CFAP107: variants seen among roughly 807,000 people sequenced by gnomAD.
The protein encoded by CFAP107 is cilia- and flagella-associated protein 107.
the CFAP107 span, chr1:12,759,633 T>A: frequency 1.1e-6 from 1 of 892,944 alleles, no homozygotes; most frequent in Non-Finnish European, 1.8e-6. Flanking sequence ...GGCTGAGTTC[T>A]ATTGTACCCT....
chr1:12,756,569 A>C, the CFAP107 span, among the ~76,000 whole-genome samples: 1 of 152,152 alleles, frequency 6.6e-6, no homozygotes, highest in Non-Finnish European at 1.5e-5. Flanking sequence ...CTCTGTCCCC[A>C]CCACACTCTG....
At chr1:12,751,462 A>C in the CFAP107 span, among the ~76,000 whole-genome samples, 1 of 152,136 alleles carries the variant, frequency 6.6e-6, no homozygotes, top group Non-Finnish European at 1.5e-5. Flanking sequence ...TCCCGTCTCT[A>C]CCAAAAATAC....
the CFAP107 span, among the ~76,000 whole-genome samples, chr1:12,749,000 C>A: frequency 1.3e-5 from 2 of 152,042 alleles, no homozygotes; most frequent in East Asian, 3.8e-4. Flanking sequence ...AATTTAAAGG[C>A]AGTGAACAGA....
chr1:12,753,894 ATC>A, the CFAP107 span: 5 of 152,138 alleles, frequency 3.3e-5, no homozygotes, highest in East Asian at 1.9e-4. Context: ...GCAAGAACTT[ATC>A]TCTCTCTTTT....
At chr1:12,760,133 A>C in the CFAP107 span, among the ~76,000 whole-genome samples, 1 of 152,120 alleles carries the variant, frequency 6.6e-6, no homozygotes, top group Non-Finnish European at 1.5e-5. Context: ...AGAGGAAGGA[A>C]CAGTAAATGA....
At chr1:12,756,820 CTTG>C in the CFAP107 span, among the ~76,000 whole-genome samples, 1 of 152,170 alleles carries the variant, frequency 6.6e-6, no homozygotes, top group Admixed American at 6.5e-5. Context: ...AGCTGTGTGG[CTTG>C]TTGTTAGGGA....
the CFAP107 span, among the ~76,000 whole-genome samples, chr1:12,760,600 A>G: frequency 6.6e-6 from 1 of 152,148 alleles, no homozygotes; most frequent in Admixed American, 6.5e-5. Context: ...TGGCTGAACC[A>G]ATGCTCTCTG....
chr1:12,758,384 T>G, the CFAP107 span, among the ~76,000 whole-genome samples: 1 of 152,198 alleles, frequency 6.6e-6, no homozygotes, highest in African/African-American at 2.4e-5. Context: ...ATTCCCTTTG[T>G]TGATGGGAAA....
the CFAP107 span, chr1:12,755,740 G>A: frequency 6.2e-7 from 1 of 1,613,966 alleles, no homozygotes; most frequent in East Asian, 2.2e-5. Context: ...TCCATTTACA[G>A]AAAAGAATAC....
chr1:12,747,169 G>A, the CFAP107 span, among the ~76,000 whole-genome samples: 2 of 151,862 alleles, frequency 1.3e-5, no homozygotes, highest in Non-Finnish European at 2.9e-5. Flanking sequence ...CCAGGCTCAA[G>A]CGATTCTCTT....
At chr1:12,749,290 T>A in the CFAP107 span, among the ~76,000 whole-genome samples, 7 of 152,094 alleles carry the variant, frequency 4.6e-5, no homozygotes, top group African/African-American at 1.4e-4. Flanking sequence ...GAAAAGTAAC[T>A]CATCAAGAAC....
chr1:12,754,970 C>A, the CFAP107 span, among the ~76,000 whole-genome samples: 1,672 of 152,172 alleles, frequency 0.011, 38 homozygotes, highest in African/African-American at 0.038. Flanking sequence ...TGTCACTGAA[C>A]CGTAGAGTTG....
At chr1:12,759,291 A>G in the CFAP107 span, 1 of 1,611,560 alleles carries the variant, frequency 6.2e-7, no homozygotes, top group Non-Finnish European at 8.5e-7. Flanking sequence ...TAACGAGCCC[A>G]CTGTGTCTGT....
chr1:12,748,661 G>A, the CFAP107 span, among the ~76,000 whole-genome samples: 4 of 151,354 alleles, frequency 2.6e-5, no homozygotes, highest in South Asian at 2.1e-4. Flanking sequence ...AATTTTCAAC[G>A]AAAAATCACC....
chr1:12,759,478 C>T, the CFAP107 span: 144 of 1,614,148 alleles, frequency 8.9e-5, 1 homozygote, highest in South Asian at 1.5e-3. Context: ...GTCTGACTTT[C>T]CCCTTCTTGG....
At chr1:12,756,737 G>T in the CFAP107 span, among the ~76,000 whole-genome samples, 3 of 152,206 alleles carry the variant, frequency 2.0e-5, no homozygotes, top group East Asian at 3.8e-4. Context: ...TGGAATTGGG[G>T]CATTTTAGTG....
chr1:12,760,024 A>C, the CFAP107 span, among the ~76,000 whole-genome samples: 2 of 152,156 alleles, frequency 1.3e-5, no homozygotes, highest in East Asian at 3.9e-4. Flanking sequence ...TTTGGTTCAC[A>C]AATTCCTCCT....
the CFAP107 span, among the ~76,000 whole-genome samples, chr1:12,756,608 A>G: frequency 6.6e-6 from 1 of 152,140 alleles, no homozygotes; most frequent in Non-Finnish European, 1.5e-5. Context: ...TTCTTTTGCC[A>G]GCCTGCTGCT....
At chr1:12,759,679 G>A in the CFAP107 span, 2 of 694,582 alleles carry the variant, frequency 2.9e-6, no homozygotes, top group Non-Finnish European at 5.1e-6. Flanking sequence ...TTGACCTGGG[G>A]TAATCTTGGC....
Sources: allele counts gnomAD v4.1 joint callset (sites outside exome capture counted in the v4.1 genomes callset), GRCh38; gene constraint gnomAD v4.1.1; transcripts MANE v1.5; gene names NCBI Gene and HGNC (gene_info 2026-07-23, HGNC 2026-07-21).